Variants in FAM135A observed in about 807,000 individuals in gnomAD.
FAM135A encodes family with sequence similarity 135 member A, also known as protein FAM135A.
FAM135A carries 79 observed loss-of-function variants against 146.8 expected under a neutral mutation model. That is an observed-to-expected ratio of 0.54 (90% CI 0.45 to 0.65). The LOEUF (loss-of-function observed/expected upper bound fraction) is 0.65, where lower values mean the gene tolerates loss of function less well. Ranked by LOEUF, FAM135A falls within the 30% of genes least tolerant of loss-of-function variation. FAM135A has a pLI of 0.00. For synonymous variants in FAM135A, 562 were observed against 603.6 expected (o/e 0.93, Z 1.01); for missense variants, 1,623 against 1,758.2 (o/e 0.92, Z 1.38).
Position 70,528,307 on chromosome 6 carries a change from A to G in FAM135A, c.3630A>G (p.Lys1210=). 2 of 1,609,530 alleles carry G rather than the reference A, an allele frequency of 1.2e-6. No individual in the cohort carries two copies. Among genetic ancestry groups the G allele is most frequent in the Non-Finnish European group, 1.7e-6 (2 of 1,178,586 alleles). Residue 1210 remains lysine (K), a synonymous_variant, in exon 16 of 22, where the codon AAA becomes AAG. Transcript: ENST00000418814. ...TTTGCTTCAGCTTCCTTCAGGCAAA[A>G]GAAGAACTGAAGCTACTAAAACTTC... ...KPQIQAFLQA[K]EELKLLKLPG...
intron 20 of FAM135A, among the ~76,000 whole-genome samples, chr6:70,556,329 C>G (rs1009195865): frequency 1.3e-5 from 2 of 151,972 alleles, no homozygotes; most frequent in Admixed American, 6.6e-5. Flanking sequence ...AAGTAAAAAG[C>G]TTTAAATGAT....
chr6:70,544,801 C>T (rs961220008), intron 20 of FAM135A, among the ~76,000 whole-genome samples: 2 of 150,800 alleles, frequency 1.3e-5, no homozygotes, highest in East Asian at 2.0e-4. Context: ...CTGTAATCCC[C>T]GTACTTTGGG....
intron 11 of FAM135A, among the ~76,000 whole-genome samples, chr6:70,492,704 T>C (rs1413575159): frequency 1.3e-5 from 2 of 150,316 alleles, no homozygotes; most frequent in Non-Finnish European, 3.0e-5. Flanking sequence ...AAATAACAAA[T>C]TCTTAGCAGA....
chr6:70,491,152 T>C (rs1015836204), intron 11 of FAM135A, 69 bp downstream of exon 11: 12 of 1,306,992 alleles, frequency 9.2e-6, no homozygotes, highest in Non-Finnish European at 1.3e-5. Flanking sequence ...TCTAAATATT[T>C]TGTCTATGAA....
intron 16 of FAM135A, among the ~76,000 whole-genome samples, chr6:70,530,976 CAGAGTTTTTAAGATAA>C (rs1795697456): frequency 6.6e-6 from 1 of 152,068 alleles, no homozygotes. Flanking sequence ...ATCCCCTTTA[CAGAGTTTTTAAGATAA>C]GAAAACAAAG....
At chr6:70,451,607 C>G (rs796304365) in intron 4 of FAM135A, among the ~76,000 whole-genome samples, 3 of 152,228 alleles carry the variant, frequency 2.0e-5, no homozygotes, top group Admixed American at 6.5e-5. Flanking sequence ...TCTTTGCGAT[C>G]TGATGCTATA....
rs1794698996 is a variant in FAM135A at position 70,526,421 on chromosome 6, A to G, written c.3337A>G (p.Asn1113Asp). ...TTATTCAGCTTTGGATGGAACAATA[A>G]ATGCTCACTATACAAGCAGAGATGA... is the stretch of plus-strand genomic sequence containing the variant. ...TDYSALDGTI[N>D]AHYTSRDELM... is the part of the protein sequence containing the mutation. The change falls in exon 15 of 22, where the codon AAT becomes GAT. Residue 1113 changes from asparagine to aspartate, a missense_variant. Physicochemically the swap from Asn to Asp is conservative, Grantham distance 23. Transcript: ENST00000418814. 1.2e-6 allele frequency: 2 copies of G among 1,613,634 alleles called. No individual in the cohort carries two copies. Among genetic ancestry groups the G allele is most frequent in the South Asian group, 2.2e-5 (2 of 91,062 alleles).
At chr6:70,438,559 A>G (rs953482909) in intron 4 of FAM135A, among the ~76,000 whole-genome samples, 21 of 152,208 alleles carry the variant, frequency 1.4e-4, no homozygotes, top group African/African-American at 5.1e-4. Flanking sequence ...TATGAGATCA[A>G]CTGTCATAGT....
Position 70,477,241 on chromosome 6 carries a change from CATGTTA to C in FAM135A, c.458_463del (p.Asn153_Val154del). ...TAGCCCCCATAGAGGCCTTCATCAT[CATGTTA>C]ATGTTATGTTTGATTACTTCCACCT... On this transcript the variant is annotated inframe_deletion, in exon 8 of 22. Transcript: ENST00000418814. The C allele has an allele frequency of 6.2e-7, 1 of 1,613,628 alleles. No individual in the cohort carries two copies. The highest frequency in any genetic ancestry group is 2.2e-5 in the East Asian group (1 of 44,832).
intron 20 of FAM135A, among the ~76,000 whole-genome samples, chr6:70,542,257 C>T (rs1314550573): frequency 6.6e-6 from 1 of 151,636 alleles, no homozygotes; most frequent in African/African-American, 2.4e-5. Flanking sequence ...TGCACACACA[C>T]ACACACACAC....
chr6:70,557,930 C>G (rs894970329), intron 21 of FAM135A, among the ~76,000 whole-genome samples: 4 of 152,062 alleles, frequency 2.6e-5, no homozygotes, highest in African/African-American at 9.7e-5. Flanking sequence ...TCAAAATAAC[C>G]TTTTCTTAAC....
chr6:70,444,374 G>A (rs556162236), intron 4 of FAM135A, among the ~76,000 whole-genome samples: 18 of 152,088 alleles, frequency 1.2e-4, no homozygotes, highest in Non-Finnish European at 2.4e-4. Context: ...CTACACTCCA[G>A]CCTGGGTGAC....
intron 11 of FAM135A, 67 bp downstream of exon 11, chr6:70,491,150 T>C: frequency 7.6e-7 from 1 of 1,316,724 alleles, no homozygotes; most frequent in Non-Finnish European, 1.1e-6. Flanking sequence ...ATTCTAAATA[T>C]TTTGTCTATG....
chr6:70,514,379 TCTGTTTA>T (rs1791734159), intron 12 of FAM135A, among the ~76,000 whole-genome samples: 2 of 152,206 alleles, frequency 1.3e-5, no homozygotes, highest in African/African-American at 4.8e-5. Context: ...AGAAGCCCTG[TCTGTTTA>T]CTGTTTATGA....
At chr6:70,472,107 C>T (rs1005263162) in intron 5 of FAM135A, among the ~76,000 whole-genome samples, 1 of 152,034 alleles carries the variant, frequency 6.6e-6, no homozygotes, top group Non-Finnish European at 1.5e-5. Context: ...AAGAGTGTCT[C>T]AAAGCATCAG....
At chr6:70,498,671 T>C (rs564463342) in intron 11 of FAM135A, among the ~76,000 whole-genome samples, 7 of 152,228 alleles carry the variant, frequency 4.6e-5, no homozygotes, top group Non-Finnish European at 8.8e-5. Context: ...TTCTGGTACA[T>C]TGTCTCTTTG....
intron 4 of FAM135A, among the ~76,000 whole-genome samples, chr6:70,450,048 T>C (rs191756238): frequency 4.3e-4 from 65 of 152,328 alleles, no homozygotes; most frequent in Non-Finnish European, 6.9e-4. Context: ...TAGCCATTCG[T>C]ATGTCTTCTT....
chr6:70,476,627 T>G (rs1782674780), intron 7 of FAM135A, among the ~76,000 whole-genome samples: 1 of 152,156 alleles, frequency 6.6e-6, no homozygotes, highest in African/African-American at 2.4e-5. Flanking sequence ...GATATAATTT[T>G]CATGGCATTG....
At chr6:70,509,244 G>A (rs191454358) in intron 12 of FAM135A, among the ~76,000 whole-genome samples, 5 of 152,136 alleles carry the variant, frequency 3.3e-5, no homozygotes, top group African/African-American at 9.6e-5. Context: ...AACCAGCCTG[G>A]GCAACATAGT....
Sources: gnomAD v4.1 joint callset for allele counts (sites outside exome capture counted in the v4.1 genomes callset) on GRCh38, gnomAD v4.1.1 for gene constraint, MANE v1.5 for transcripts, NCBI Gene and HGNC (gene_info 2026-07-23, HGNC 2026-07-21) for gene names.